The following FRMD4B variants were observed in gnomAD, a reference collection of about 807,000 sequenced individuals.
FRMD4B encodes FERM domain containing 4B, also known as FERM domain-containing protein 4B.
A neutral mutation model predicts 141.5 loss-of-function variants in FRMD4B; 74 were observed. The observed-to-expected ratio is 0.52, with a 90% CI of 0.43 to 0.63. The LOEUF (loss-of-function observed/expected upper bound fraction) is 0.63, where lower values mean the gene tolerates loss of function less well. FRMD4B is among the 30% of genes least tolerant of loss of function. The pLI, the probability that FRMD4B is intolerant of heterozygous loss-of-function variation, is 0.00. For missense variants in FRMD4B, 1,366 were observed against 1,253.4 expected (o/e 1.09, Z -1.36); for synonymous variants, 506 against 467.9 (o/e 1.08, Z -1.05).
chr3:69,269,899 C>T (rs1023789604), intron 5 of FRMD4B, among the ~76,000 whole-genome samples: 4 of 152,234 alleles, frequency 2.6e-5, no homozygotes, highest in East Asian at 1.9e-4. Flanking sequence ...GGATTACAGG[C>T]GTGAACCACT....
chr3:69,470,096 A>G (rs1162093787), intron 1 of FRMD4B, among the ~76,000 whole-genome samples: 3 of 152,206 alleles, frequency 2.0e-5, no homozygotes, highest in Admixed American at 6.5e-5. Context: ...GTATTCTCCA[A>G]AGAGATTACT....
intron 5 of FRMD4B, among the ~76,000 whole-genome samples, chr3:69,271,098 T>C (rs1438155574): frequency 6.6e-6 from 1 of 152,234 alleles, no homozygotes; most frequent in Admixed American, 6.5e-5. Context: ...AATGCAATTC[T>C]TGTAGCCCAT....
At chr3:69,206,214 G>C (rs933382766) in intron 11 of FRMD4B, among the ~76,000 whole-genome samples, 2 of 152,070 alleles carry the variant, frequency 1.3e-5, no homozygotes, top group Admixed American at 1.3e-4. Flanking sequence ...GCCAGGCGTG[G>C]TGACATGCAC....
In FRMD4B at chr3:69,195,049, T is replaced by A; in HGVS notation, c.1461A>T (p.Leu487Phe). ...VRRRVGTAFK[L>F]DDNLLPSEED... is the part of the protein sequence containing the mutation. ...CTTCACTCGGCAGCAAGTTGTCATC[T>A]AATTTGAACGCAGTACCCACACGTC... The change falls in exon 16 of 23, where the codon TTA becomes TTT. Residue 487 changes from leucine (L) to phenylalanine (F), a missense_variant. By Grantham distance (22) the Leu-to-Phe change is conservative. Transcript: ENST00000398540. 1 of 1,613,864 alleles carries A rather than the reference T, an allele frequency of 6.2e-7. No homozygotes were observed. The highest frequency in any genetic ancestry group is 8.5e-7 in the Non-Finnish European group (1 of 1,179,742).
chr3:69,249,121 G>C, intron 7 of FRMD4B, 105 bp downstream of exon 7: 1 of 711,232 alleles, frequency 1.4e-6, no homozygotes. Context: ...CTGCCTTACA[G>C]ATCTACTTTC....
At chr3:69,211,236 G>A (rs2093076381) in intron 11 of FRMD4B, among the ~76,000 whole-genome samples, 1 of 152,120 alleles carries the variant, frequency 6.6e-6, no homozygotes, top group Admixed American at 6.5e-5. Context: ...ACCCTACACA[G>A]TTGGTGGCAA....
intron 5 of FRMD4B, among the ~76,000 whole-genome samples, chr3:69,283,664 G>A (rs972274976): frequency 6.6e-6 from 1 of 152,160 alleles, no homozygotes; most frequent in Non-Finnish European, 1.5e-5. Flanking sequence ...TACAAGGAGC[G>A]ATTGTATGTC....
rs573563566 is a variant in FRMD4B at position 69,476,251 on chromosome 3, T to C, written c.-128-43490A>G. 2.7e-3 allele frequency among the ~76,000 whole-genome samples: 409 copies of C among 152,158 alleles called. 2 individuals are homozygous for C. Among genetic ancestry groups the C allele is most frequent in the African/African-American group, 9.2e-3 (382 of 41,398 alleles). ...TTTTGGCTTTTGTTGCCATTGCCTT[T>C]GGTGTTTTAGACATGAAGTCCTTGC... is the stretch of plus-strand genomic sequence containing the variant. On this transcript the variant is annotated intron_variant, in intron 1 of 5. Coordinates refer to the FRMD4B transcript ENST00000459638.
intron 2 of FRMD4B, among the ~76,000 whole-genome samples, chr3:69,392,988 G>A (rs1014499253): frequency 8.5e-5 from 13 of 152,068 alleles, no homozygotes; most frequent in African/African-American, 3.1e-4. Flanking sequence ...ACACATAGAG[G>A]TGGTGGAAGC....
chr3:69,412,333 C>T (rs1182728186), intron 2 of FRMD4B, among the ~76,000 whole-genome samples: 1 of 152,104 alleles, frequency 6.6e-6, no homozygotes, highest in Non-Finnish European at 1.5e-5. Flanking sequence ...AAAAGGGTGC[C>T]TGGAAATCAA....
chr3:69,296,442 T>C (rs1030987271), intron 4 of FRMD4B, among the ~76,000 whole-genome samples: 1 of 152,100 alleles, frequency 6.6e-6, no homozygotes, highest in Admixed American at 6.6e-5. Flanking sequence ...AATTAGGATG[T>C]TGGATCCTCA....
chr3:69,278,262 ATAAGT>A (rs1306883742), intron 5 of FRMD4B, among the ~76,000 whole-genome samples: 13 of 152,266 alleles, frequency 8.5e-5, no homozygotes, highest in African/African-American at 2.9e-4. Context: ...ACCAAATCAA[ATAAGT>A]TAATTTATTG....
chr3:69,445,296 G>A (rs558659843), intron 1 of FRMD4B, among the ~76,000 whole-genome samples: 10 of 152,300 alleles, frequency 6.6e-5, no homozygotes, highest in Admixed American at 2.0e-4. Flanking sequence ...CAGAGTTCAC[G>A]TCACAGGATA....
intron 11 of FRMD4B, among the ~76,000 whole-genome samples, chr3:69,201,747 G>T (rs2092970036): frequency 6.6e-6 from 1 of 152,176 alleles, no homozygotes; most frequent in African/African-American, 2.4e-5. Context: ...CAATGGAGCT[G>T]AGGTGAATTC....
intron 1 of FRMD4B, among the ~76,000 whole-genome samples, chr3:69,441,899 A>G (rs1705349091): frequency 6.6e-6 from 1 of 152,164 alleles, no homozygotes; most frequent in Non-Finnish European, 1.5e-5. Flanking sequence ...TTCCAAACAC[A>G]TTTATGTTCT....
chr3:69,240,602 C>T (rs1007897171), intron 7 of FRMD4B, among the ~76,000 whole-genome samples: 28 of 151,708 alleles, frequency 1.8e-4, no homozygotes, highest in African/African-American at 6.5e-4. Context: ...AAACTTCCTA[C>T]TAGACAAGTG....
intron 1 of FRMD4B, among the ~76,000 whole-genome samples, chr3:69,525,878 CA>C (rs1177796484): frequency 6.6e-6 from 1 of 151,452 alleles, no homozygotes; most frequent in African/African-American, 2.4e-5. Flanking sequence ...AGGCTAGTGT[CA>C]AACTTCTGGG....
In FRMD4B at chr3:69,527,018, C is replaced by A. The variant is rs1575601216; in HGVS notation, c.-129+15188G>T. Reference sequence around the variant, plus strand: ...TTCCTACTGTGCTCTGCAGATACCACATCTGGCTTCTGATCCTCAGAGATT... The same window carrying A: ...TTCCTACTGTGCTCTGCAGATACCAAATCTGGCTTCTGATCCTCAGAGATT... On this transcript the variant is annotated intron_variant, in intron 1 of 5. Transcript: ENST00000459638. Among the ~76,000 whole-genome samples, 3 of 152,310 alleles carry A rather than the reference C, an allele frequency of 2.0e-5. No homozygotes were observed. In the South Asian group the frequency reaches 6.2e-4, roughly 32 times the overall value.
At chr3:69,381,797 A>G (rs943175116) in intron 1 of FRMD4B, among the ~76,000 whole-genome samples, 1 of 152,204 alleles carries the variant, frequency 6.6e-6, no homozygotes, top group Non-Finnish European at 1.5e-5. Flanking sequence ...ACTAGATTTG[A>G]TATTCTAATG....
Sources: allele counts gnomAD v4.1 joint callset (sites outside exome capture counted in the v4.1 genomes callset), GRCh38; gene constraint gnomAD v4.1.1; transcripts MANE v1.5; gene names NCBI Gene and HGNC (gene_info 2026-07-23, HGNC 2026-07-21).